MNAT1: variants seen among roughly 807,000 people sequenced by gnomAD.
MNAT1 encodes the protein CDK-activating kinase assembly factor MAT1.
A neutral mutation model predicts 42.0 loss-of-function variants in MNAT1; 43 were observed. That is an observed-to-expected ratio of 1.02 (90% CI 0.80 to 1.32). The LOEUF is 1.32. MNAT1 is among the 40% of genes most tolerant of loss of function. The pLI, the probability that MNAT1 is intolerant of heterozygous loss-of-function variation, is 0.00. For synonymous variants in MNAT1, 118 were observed against 120.0 expected, an observed-to-expected ratio of 0.98 and a Z score of 0.11; for missense variants, 306 against 350.4, an observed-to-expected ratio of 0.87 and a Z score of 1.01.
intron 6 of MNAT1, among the ~76,000 whole-genome samples, chr14:60,860,326 A>G (rs1156597456): frequency 1.3e-5 from 2 of 150,552 alleles, no homozygotes; most frequent in South Asian, 4.2e-4. Context: ...CTTTACAAGT[A>G]AAACTGAGAC....
rs1594840493 is a variant in MNAT1, at chr14:60,891,486, C to T, written c.809+11651C>T. Among the ~76,000 whole-genome samples, 2 of 151,824 alleles carry T rather than the reference C, an allele frequency of 1.3e-5. 1 individual carries two copies. Among genetic ancestry groups the T allele is most frequent in the East Asian group, 3.9e-4 (2 of 5,162 alleles). ...TTTTTTGAGACAAAGTCTTGCTGCT[C>T]TGTTGCCCACGCCAGAGTGCAGTGG... On this transcript the variant is annotated intron_variant, in intron 7 of 7. Transcript: ENST00000261245.
chr14:60,887,455 G>A (rs987139092), intron 7 of MNAT1, among the ~76,000 whole-genome samples: 1 of 131,068 alleles, frequency 7.6e-6, no homozygotes, highest in African/African-American at 3.0e-5. Context: ...TGTTCTCATT[G>A]TTCCCACCTG....
At chr14:60,954,565 G>T (rs2036445379) in intron 7 of MNAT1, among the ~76,000 whole-genome samples, 1 of 152,096 alleles carries the variant, frequency 6.6e-6, no homozygotes, top group Non-Finnish European at 1.5e-5. Context: ...GTGTATGGAG[G>T]TGCTACTAAT....
chr14:60,923,174 A>G (rs2035696263), intron 7 of MNAT1, among the ~76,000 whole-genome samples: 1 of 152,184 alleles, frequency 6.6e-6, no homozygotes, highest in South Asian at 2.1e-4. Flanking sequence ...GAGGACCTAG[A>G]GTAGTGGTCT....
intron 7 of MNAT1, among the ~76,000 whole-genome samples, chr14:60,961,205 G>A (rs1260731346): frequency 6.6e-6 from 1 of 152,016 alleles, no homozygotes; most frequent in East Asian, 1.9e-4. Flanking sequence ...CAGATGATCC[G>A]CCCACCTCGG....
chr14:60,879,912 T>C, intron 7 of MNAT1, 77 bp downstream of exon 7: 1 of 1,460,374 alleles, frequency 6.8e-7, no homozygotes, highest in Non-Finnish European at 9.3e-7. Flanking sequence ...CATGTTAACA[T>C]TCTTAGATTT....
chr14:60,918,024 T>C (rs926756945), intron 7 of MNAT1, among the ~76,000 whole-genome samples: 2 of 151,928 alleles, frequency 1.3e-5, no homozygotes, highest in Non-Finnish European at 2.9e-5. Context: ...AAGCTTATCA[T>C]TATCTCTTAC....
intron 7 of MNAT1, among the ~76,000 whole-genome samples, chr14:60,883,102 T>C (rs2034587722): frequency 6.6e-6 from 1 of 152,140 alleles, no homozygotes; most frequent in African/African-American, 2.4e-5. Context: ...TACTTACCTA[T>C]TTTTGCTTTA....
chr14:60,793,529 A>AT (rs962685997), intron 1 of MNAT1, among the ~76,000 whole-genome samples: 3 of 151,542 alleles, frequency 2.0e-5, no homozygotes, highest in African/African-American at 4.9e-5. Context: ...CATCTAGCTA[A>AT]TTTTTTTTAA....
intron 6 of MNAT1, among the ~76,000 whole-genome samples, chr14:60,864,997 T>C (rs1445309984): frequency 6.6e-6 from 1 of 152,068 alleles, no homozygotes; most frequent in Non-Finnish European, 1.5e-5. Flanking sequence ...ACATTTGTTA[T>C]GTAGGTTTTT....
intron 1 of MNAT1, among the ~76,000 whole-genome samples, chr14:60,772,303 G>T (rs1051818786): frequency 1.1e-4 from 16 of 152,162 alleles, no homozygotes; most frequent in Admixed American, 1.0e-3. Context: ...ATGATGAATT[G>T]GCCGGGTGCG....
intron 7 of MNAT1, among the ~76,000 whole-genome samples, chr14:60,894,289 TA>T (rs112317640): frequency 6.6e-6 from 1 of 151,674 alleles, no homozygotes; most frequent in East Asian, 1.9e-4. Flanking sequence ...TTTTTTTTTT[TA>T]AAATAATTTA....
At chr14:60,802,461 T>C (rs2032235645) in intron 3 of MNAT1, among the ~76,000 whole-genome samples, 1 of 152,288 alleles carries the variant, frequency 6.6e-6, no homozygotes, top group Middle Eastern at 3.4e-3. Flanking sequence ...CAATTATTAT[T>C]TGTCAACTGA....
At chr14:60,750,685 A>G (rs1239101190) in intron 1 of MNAT1, among the ~76,000 whole-genome samples, 1 of 152,112 alleles carries the variant, frequency 6.6e-6, no homozygotes, top group Non-Finnish European at 1.5e-5. Context: ...TAAATCTGAA[A>G]TCTTGCAGCC....
chr14:60,794,369 A>G (rs1026090637), intron 1 of MNAT1, among the ~76,000 whole-genome samples: 2 of 151,978 alleles, frequency 1.3e-5, no homozygotes, highest in Non-Finnish European at 2.9e-5. Context: ...TGACACTATT[A>G]AGATAGAAAT....
intron 6 of MNAT1, among the ~76,000 whole-genome samples, chr14:60,872,319 T>C (rs1043711829): frequency 2.6e-5 from 4 of 152,168 alleles, no homozygotes; most frequent in Admixed American, 1.3e-4. Flanking sequence ...CACCTCCCAC[T>C]AGGCCTCACC....
chr14:60,946,543 C>T (rs923905524), intron 7 of MNAT1, among the ~76,000 whole-genome samples: 3 of 146,718 alleles, frequency 2.0e-5, no homozygotes, highest in Non-Finnish European at 3.0e-5. Flanking sequence ...TTTTTTTTTT[C>T]TTCCTCTGAT....
At chr14:60,736,250 T>C (rs981897675) in intron 1 of MNAT1, among the ~76,000 whole-genome samples, 1 of 152,060 alleles carries the variant, frequency 6.6e-6, no homozygotes, top group Admixed American at 6.6e-5. Flanking sequence ...TTCTCTCCAT[T>C]TTTCTTTATC....
At chr14:60,797,497 C>A (rs1000795661) in intron 2 of MNAT1, among the ~76,000 whole-genome samples, 3 of 152,082 alleles carry the variant, frequency 2.0e-5, no homozygotes, top group African/African-American at 7.2e-5. Flanking sequence ...CTTTCAAGCT[C>A]CCAATTTATC....
Sources: gnomAD v4.1 joint callset for allele counts (sites outside exome capture counted in the v4.1 genomes callset) on GRCh38, gnomAD v4.1.1 for gene constraint, MANE v1.5 for transcripts, NCBI Gene and HGNC (gene_info 2026-07-23, HGNC 2026-07-21) for gene names.